The following SMC2 variants were observed in gnomAD, a reference collection of about 807,000 sequenced individuals.
SMC2 encodes the protein structural maintenance of chromosomes 2.
In SMC2, 41 loss-of-function variants were observed where a neutral mutation model predicts 142.6. The ratio of observed to expected loss-of-function variants is 0.29; its 90% CI spans 0.22 to 0.37. SMC2 has a LOEUF of 0.37. Ranked by LOEUF, SMC2 falls within the 10% of genes least tolerant of loss-of-function variation. SMC2 has a pLI of 1.00. For missense variants in SMC2, 1,265 were observed against 1,373.7 expected (o/e 0.92, Z 1.25); for synonymous variants, 463 against 457.5 (o/e 1.01, Z -0.15).
In SMC2 at chr9:104,139,548, T is replaced by G. The variant is rs879057915; in HGVS notation, c.*233T>G. ...TGATTTTATGCATATCATCAAATGT[T>G]TTTTTCTTATGCGGGTCTTTTATAT... On this transcript the variant is annotated 3_prime_UTR_variant, in exon 25 of 25. Coordinates refer to ENST00000374793, the MANE Select transcript of SMC2 (RefSeq NM_006444.3). 4 of 349,376 alleles carry G rather than the reference T, an allele frequency of 1.1e-5. No homozygotes were observed. In the Admixed American group the frequency reaches 2.0e-4, roughly 17 times the overall value. The allele number at this position is 349,376 out of a possible 1,614,324, so 21.6% of individuals were successfully genotyped here. A position where few individuals can be genotyped will look rare whatever the true frequency, so the allele number is the denominator to read the frequency against.
intron 21 of SMC2, among the ~76,000 whole-genome samples, 199 bp downstream of exon 21, chr9:104,130,044 C>T (rs1271888232): frequency 2.0e-5 from 3 of 152,058 alleles, no homozygotes; most frequent in Non-Finnish European, 4.4e-5. Flanking sequence ...CATTCTATTA[C>T]ACCTGGAATG....
rs143074836 is a variant in SMC2 at position 104,108,566 on chromosome 9, C to T, written c.1021-3015C>T. On this transcript the variant is annotated intron_variant, in intron 9 of 24. Coordinates refer to ENST00000374793, the MANE Select transcript of SMC2 (RefSeq NM_006444.3). The stretch of plus-strand genomic sequence containing the variant: ...ACTACCCACTTCCCGAGCTCTCTGG[C>T]GCTGGGAATGAGCAATTACATGTGT... Among the ~76,000 whole-genome samples the T allele has an allele frequency of 3.5e-3, 532 of 152,242 alleles. 1 individual carries two copies. Among genetic ancestry groups the T allele is most frequent in the African/African-American group, 0.012 (509 of 41,544 alleles).
chr9:104,109,360 C>T (rs993901201), intron 9 of SMC2, among the ~76,000 whole-genome samples: 3 of 152,154 alleles, frequency 2.0e-5, no homozygotes, highest in Non-Finnish European at 4.4e-5. Flanking sequence ...AGTCTATCAA[C>T]AAATTCTGTT....
chr9:104,089,385 G>C (rs554134196), upstream of SMC2, among the ~76,000 whole-genome samples: 1 of 152,246 alleles, frequency 6.6e-6, no homozygotes, highest in African/African-American at 2.4e-5. Flanking sequence ...CCAGTTGGAG[G>C]AGAATCTGGC....
At chr9:104,123,338 G>T in intron 17 of SMC2, 106 bp downstream of exon 17, 1 of 1,085,400 alleles carries the variant, frequency 9.2e-7, no homozygotes, top group Non-Finnish European at 1.3e-6. Flanking sequence ...ATATGATAAA[G>T]TTTATTTAGG....
At chr9:104,102,667 G>A in intron 9 of SMC2, 94 bp downstream of exon 9, 1 of 1,286,116 alleles carries the variant, frequency 7.8e-7, no homozygotes, top group Non-Finnish European at 1.0e-6. Context: ...TTTAGTGAGT[G>A]TCTTCTATAA....
chr9:104,134,698 T>A, intron 23 of SMC2, 123 bp downstream of exon 23: 1 of 586,860 alleles, frequency 1.7e-6, no homozygotes, highest in Non-Finnish European at 2.7e-6. Context: ...GTCTAATATA[T>A]AAGACTAAAC....
chr9:104,124,906 A>T lies in SMC2; in HGVS notation c.2258-6A>T. 1.3e-6 allele frequency: 2 copies of T among 1,576,802 alleles called. No individual in the cohort carries two copies. The highest frequency in any genetic ancestry group is 1.7e-6 in the Non-Finnish European group (2 of 1,170,324). ...CTTAGCCACATTTGCTTACTTTGTGATGCAGAGGAAAGTGAGGAGACTTTG... is the reference window on the plus strand; with the variant it reads ...CTTAGCCACATTTGCTTACTTTGTGTTGCAGAGGAAAGTGAGGAGACTTTG... On this transcript the variant is annotated splice_polypyrimidine_tract_variant and splice_region_variant and intron_variant, in intron 17 of 24. Transcript: ENST00000374793.
At chr9:104,112,286 C>A (rs900025000) in intron 10 of SMC2, among the ~76,000 whole-genome samples, 1 of 152,182 alleles carries the variant, frequency 6.6e-6, no homozygotes, top group Non-Finnish European at 1.5e-5. Flanking sequence ...ATCTCTACCT[C>A]ACATGTAGCC....
Position 104,095,556 on chromosome 9 carries a change from A to G in SMC2, c.168+4A>G. The G allele has an allele frequency of 6.2e-7, 1 of 1,610,078 alleles. No individual in the cohort carries two copies. Among genetic ancestry groups the G allele is most frequent in the Non-Finnish European group, 8.5e-7 (1 of 1,177,284 alleles). On this transcript the variant is annotated splice_donor_region_variant and intron_variant, in intron 2 of 24. Coordinates refer to ENST00000374793, the MANE Select transcript of SMC2 (RefSeq NM_006444.3). ...GGGCATCTCCAACCTGTCTCAGGTA[A>G]AGTGTAAACTTTCTGATTTATTTGA...
Position 104,139,325 on chromosome 9 carries a change from T to C in SMC2, c.*10T>C. 1 of 1,561,758 alleles carries C rather than the reference T, an allele frequency of 6.4e-7. No homozygotes were observed. The highest frequency in any genetic ancestry group is 8.6e-7 in the Non-Finnish European group (1 of 1,163,394). On this transcript the variant is annotated 3_prime_UTR_variant, in exon 25 of 25. Coordinates refer to ENST00000374793, the MANE Select transcript of SMC2 (RefSeq NM_006444.3). ...ACATGTGGAAGTTTAAACTACAAAGTTATTTCTTCATCTTGACCTGTTTTT... is the reference window on the plus strand; with the variant it reads ...ACATGTGGAAGTTTAAACTACAAAGCTATTTCTTCATCTTGACCTGTTTTT...
chr9:104,112,485 A>G (rs1832579307), intron 10 of SMC2, among the ~76,000 whole-genome samples: 1 of 152,194 alleles, frequency 6.6e-6, no homozygotes, highest in African/African-American at 2.4e-5. Context: ...CACAGATTTT[A>G]AAACATGTAC....
chr9:104,093,761 G>C (rs1355946400), upstream of SMC2, among the ~76,000 whole-genome samples: 1 of 152,224 alleles, frequency 6.6e-6, no homozygotes, highest in African/African-American at 2.4e-5. Flanking sequence ...TCCGAGGCCA[G>C]TACGGGGCGG....
rs1489555658 is a variant in SMC2 at position 104,100,219 on chromosome 9, T to C, written c.591+16T>C. The C allele has an allele frequency of 6.0e-6, 9 of 1,493,690 alleles. No individual in the cohort carries two copies. Among genetic ancestry groups the C allele is most frequent in the Non-Finnish European group, 7.2e-6 (8 of 1,105,224 alleles). The allele number at this position is 1,493,690 out of a possible 1,614,324, so 92.5% of individuals were successfully genotyped here. A position where few individuals can be genotyped will look rare whatever the true frequency, so the allele number is the denominator to read the frequency against. On this transcript the variant is annotated intron_variant, in intron 6 of 24. Coordinates refer to ENST00000374793, the MANE Select transcript of SMC2 (RefSeq NM_006444.3). Reference sequence around the variant, plus strand: ...AATTAAGACGGTAATTTAATTCATATAAAATATTTTCGGAGAAGAATGTAA... The same window carrying C: ...AATTAAGACGGTAATTTAATTCATACAAAATATTTTCGGAGAAGAATGTAA...
intron 9 of SMC2, among the ~76,000 whole-genome samples, chr9:104,108,467 T>C (rs1457194387): frequency 2.6e-5 from 4 of 152,190 alleles, no homozygotes. Context: ...GTCTGCATTG[T>C]ATGTGTTGGT....
upstream of SMC2, among the ~76,000 whole-genome samples, chr9:104,093,353 C>T (rs1304293136): frequency 1.3e-5 from 2 of 152,090 alleles, no homozygotes; most frequent in African/African-American, 4.8e-5. Flanking sequence ...AGATTCTATG[C>T]ATGAAGCCTA....
At chr9:104,133,300 G>A (rs1417826713) in intron 22 of SMC2, among the ~76,000 whole-genome samples, 1 of 152,048 alleles carries the variant, frequency 6.6e-6, no homozygotes, top group Non-Finnish European at 1.5e-5. Context: ...TTCAAGTTTA[G>A]TAGCATTCCT....
chr9:104,098,384 A>T, intron 3 of SMC2, 62 bp from the exon 4 acceptor site: 1 of 1,354,240 alleles, frequency 7.4e-7, no homozygotes, highest in Non-Finnish European at 1.0e-6. Flanking sequence ...TAATATACTT[A>T]GTTTATCCTA....
intron 9 of SMC2, among the ~76,000 whole-genome samples, chr9:104,103,682 C>T (rs73663497): frequency 6.6e-6 from 1 of 152,104 alleles, no homozygotes; most frequent in Non-Finnish European, 1.5e-5. Flanking sequence ...TATGGCATTT[C>T]TTTTGAGGGT....
Sources: gnomAD v4.1 joint callset for allele counts (sites outside exome capture counted in the v4.1 genomes callset) on GRCh38, gnomAD v4.1.1 for gene constraint, MANE v1.5 for transcripts, NCBI Gene and HGNC (gene_info 2026-07-23, HGNC 2026-07-21) for gene names.